The following SEC63 variants were observed in gnomAD, a reference collection of about 807,000 sequenced individuals.
SEC63 encodes the protein SEC63 protein translocation regulator, also known as translocation protein SEC63 homolog.
A neutral mutation model predicts 116.2 loss-of-function variants in SEC63; 56 were observed. That is an observed-to-expected ratio of 0.48 (90% CI 0.39 to 0.60). SEC63 has a LOEUF of 0.60. Ranked by LOEUF, SEC63 falls within the 20% of genes least tolerant of loss-of-function variation. The probability of loss-of-function intolerance (pLI) is 0.00; values close to 1 mark genes in which losing one functional copy is unlikely to be tolerated. For missense variants in SEC63, 668 were observed against 900.0 expected (o/e 0.74, Z 3.30); for synonymous variants, 273 against 294.6 (o/e 0.93, Z 0.75).
chr6:107,885,057 C>A, intron 16 of SEC63, among the ~76,000 whole-genome samples: 1 of 152,156 alleles, frequency 6.6e-6, no homozygotes, highest in Non-Finnish European at 1.5e-5. Context: ...CACCTAACAT[C>A]ACATTTAGTG....
chr6:107,872,187 G>A (rs1786150725), intron 20 of SEC63, among the ~76,000 whole-genome samples: 1 of 152,102 alleles, frequency 6.6e-6, no homozygotes, highest in Non-Finnish European at 1.5e-5. Context: ...TCTGCTTTAA[G>A]GAAGAAAAAC....
At chr6:107,907,467 A>G (rs1222474425) in intron 8 of SEC63, among the ~76,000 whole-genome samples, 1 of 152,148 alleles carries the variant, frequency 6.6e-6, no homozygotes, top group African/African-American at 2.4e-5. Context: ...CTGTAATCCC[A>G]GCTACTCGGG....
At chr6:107,919,723 G>A (rs1787504847) in intron 4 of SEC63, among the ~76,000 whole-genome samples, 1 of 151,988 alleles carries the variant, frequency 6.6e-6, no homozygotes, top group African/African-American at 2.4e-5. Flanking sequence ...TCGGGAGGCT[G>A]AGGCAGGAGA....
intron 1 of SEC63, among the ~76,000 whole-genome samples, chr6:107,935,349 G>A (rs541500753): frequency 6.6e-6 from 1 of 151,740 alleles, no homozygotes; most frequent in East Asian, 2.0e-4. Context: ...GGAATAGAAA[G>A]GGGGGAAAGG....
chr6:107,921,996 C>A, intron 3 of SEC63, 87 bp from the exon 4 acceptor site: 2 of 773,402 alleles, frequency 2.6e-6, no homozygotes, highest in Non-Finnish European at 4.4e-6. Context: ...CTATTTTGAA[C>A]TTAAAATATG....
At chr6:107,957,610 G>C (rs1770735780) in intron 1 of SEC63, 2 of 274,110 alleles carry the variant, frequency 7.3e-6, no homozygotes, top group Non-Finnish European at 6.7e-6. Flanking sequence ...AGGCAGAGAA[G>C]ACAAAGAGGC....
intron 8 of SEC63, among the ~76,000 whole-genome samples, chr6:107,907,490 G>A (rs1238162500): frequency 6.6e-6 from 1 of 152,188 alleles, no homozygotes; most frequent in East Asian, 1.9e-4. Flanking sequence ...GCTGAGGCAG[G>A]AGAATTGCTT....
intron 4 of SEC63, among the ~76,000 whole-genome samples, chr6:107,913,655 A>T (rs1168914985): frequency 6.6e-6 from 1 of 152,220 alleles, no homozygotes; most frequent in African/African-American, 2.4e-5. Context: ...TGGTTGGCCC[A>T]TGGTTCTCAA....
Position 107,897,741 on chromosome 6 carries a change from T to C in SEC63, c.1358-10A>G. On this transcript the variant is annotated splice_polypyrimidine_tract_variant and intron_variant, in intron 13 of 20. Transcript: ENST00000369002. ...TCTTCATCATCTAACACTGTTAAGA[T>C]GGAAGAAAAAAAACAGCAAAAAATA... is the stretch of plus-strand genomic sequence containing the variant. The C allele has an allele frequency of 6.3e-7, 1 of 1,576,196 alleles. No individual in the cohort carries two copies. Among genetic ancestry groups the C allele is most frequent in the East Asian group, 2.2e-5 (1 of 44,602 alleles).
chr6:107,916,218 AAGAC>A (rs1422692585), intron 4 of SEC63, among the ~76,000 whole-genome samples: 4 of 152,248 alleles, frequency 2.6e-5, no homozygotes, highest in Admixed American at 2.6e-4. Flanking sequence ...AAATTACCTG[AAGAC>A]AGCAATCAAG....
At position 107,893,466 on chromosome 6, in the gene SEC63, A is replaced by G; in HGVS notation, c.1674+16T>C. The G allele has an allele frequency of 6.2e-7, 1 of 1,608,012 alleles. No individual in the cohort carries two copies. ...TTTTAGCTTAATAATGATAATAACGATAATAATAAACTTACATTCCCAACG... is the reference window on the plus strand; with the variant it reads ...TTTTAGCTTAATAATGATAATAACGGTAATAATAAACTTACATTCCCAACG... On this transcript the variant is annotated intron_variant, in intron 16 of 20. Transcript: ENST00000369002.
In SEC63 at chr6:107,901,436, T is replaced by G. The variant is rs1295554589; in HGVS notation, c.1291A>C (p.Lys431Gln). 3.1e-6 allele frequency: 5 copies of G among 1,613,240 alleles called. No individual in the cohort carries two copies. The South Asian group carries it at 5.5e-5, about 18-fold the overall frequency. Residue 431 changes from lysine to glutamine, a missense_variant, in exon 13 of 21, where the codon AAA becomes CAA. Physicochemically the swap from Lys to Gln is moderately conservative, Grantham distance 53 (BLOSUM62 1). Around this residue, in one of 5 missense-constraint regions of SEC63, gnomAD observed 430 missense variants for 557.5 expected, o/e 0.77. Transcript: ENST00000369002. ...HTLLHFLEDEKYEEVMAVLGS... is the reference protein window; with the variant it reads ...HTLLHFLEDEQYEEVMAVLGS... ...AGGACAGCCATAACCTCTTCATATT[T>G]TTCATCTTCAAGGAAGTGCAGTAGA...
chr6:107,878,836 C>T (rs1319673130), intron 18 of SEC63, among the ~76,000 whole-genome samples: 2 of 150,616 alleles, frequency 1.3e-5, no homozygotes, highest in Non-Finnish European at 1.5e-5. Flanking sequence ...GCCTGGGCAA[C>T]AAGAGCAAAA....
At chr6:107,893,403 A>G (rs1786735319) in intron 16 of SEC63, 79 bp downstream of exon 16, 4 of 1,395,134 alleles carry the variant, frequency 2.9e-6, no homozygotes, top group Middle Eastern at 2.5e-4. Flanking sequence ...AAACTTTTGA[A>G]GCTGTACACG....
At position 107,924,818 on chromosome 6, in the gene SEC63, A is replaced by C; in HGVS notation, c.339T>G (p.Pro113=). ...TGCATTATATAAAAATACTACTTAC[A>C]GGATCCAAATTTAATACTTCATAAG... ...YNPYEVLNLD[P]GATVAEIKKQ... Residue 113 remains proline (P), a splice_region_variant and synonymous_variant, in exon 3 of 21, where the codon CCT becomes CCG. Transcript: ENST00000369002. 3 of 1,389,806 alleles carry C rather than the reference A, an allele frequency of 2.2e-6. No homozygotes were observed. The highest frequency in any genetic ancestry group is 1.2e-5 in the South Asian group (1 of 86,506). 86.1% of individuals were successfully genotyped at this position (1,389,806 alleles called of 1,614,324 possible). A position where few individuals can be genotyped will look rare whatever the true frequency, so the allele number is the denominator to read the frequency against.
intron 19 of SEC63, among the ~76,000 whole-genome samples, chr6:107,874,642 C>G (rs1316387569): frequency 6.7e-6 from 1 of 150,330 alleles, no homozygotes; most frequent in African/African-American, 2.4e-5. Context: ...GTATTCAACA[C>G]TAAAGAGGCA....
At chr6:107,879,614 T>C (rs1210200285) in intron 18 of SEC63, among the ~76,000 whole-genome samples, 1 of 151,896 alleles carries the variant, frequency 6.6e-6, no homozygotes, top group African/African-American at 2.4e-5. Flanking sequence ...CATGAGCCAC[T>C]GCACTCGGCC....
At chr6:107,882,627 G>C (rs1045327999) in intron 17 of SEC63, among the ~76,000 whole-genome samples, 1 of 152,050 alleles carries the variant, frequency 6.6e-6, no homozygotes, top group Non-Finnish European at 1.5e-5. Context: ...AGCCTTCCAA[G>C]TAAGCACTAT....
chr6:107,953,537 C>A (rs1194570124), intron 1 of SEC63, among the ~76,000 whole-genome samples: 2 of 136,556 alleles, frequency 1.5e-5, no homozygotes, highest in East Asian at 4.5e-4. Flanking sequence ...GTCAGCCCCC[C>A]GCCCGGCCAG....
Sources: gnomAD v4.1 joint callset for allele counts (sites outside exome capture counted in the v4.1 genomes callset) on GRCh38, gnomAD v4.1.1 for gene constraint, gnomAD v4.1.1 regional missense constraint, MANE v1.5 for transcripts, NCBI Gene and HGNC (gene_info 2026-07-23, HGNC 2026-07-21) for gene names.